The following FER variants were observed in gnomAD, a reference collection of about 807,000 sequenced individuals.
FER encodes the protein FER tyrosine kinase.
Under a neutral mutation model 111.0 loss-of-function variants are expected in FER, and 63 were observed. The observed-to-expected ratio is 0.57, with a 90% CI of 0.46 to 0.70. The LOEUF (loss-of-function observed/expected upper bound fraction) is 0.70, where lower values mean the gene tolerates loss of function less well. Ranked by LOEUF, FER falls within the 30% of genes least tolerant of loss-of-function variation. FER has a pLI of 0.00. For missense variants in FER, 914 were observed against 954.0 expected (o/e 0.96, Z 0.55); for synonymous variants, 327 against 313.9 (o/e 1.04, Z -0.44).
chr5:108,966,794 A>G (rs1759908410), intron 13 of FER, among the ~76,000 whole-genome samples: 1 of 152,166 alleles, frequency 6.6e-6, no homozygotes, highest in Non-Finnish European at 1.5e-5. Context: ...ATGAACATGG[A>G]TGTATAATGT....
rs76210414 is a variant in FER, at chr5:109,100,999, T to C, written c.2048+480T>C. ...CTCTTTTGGACAAATTAATTTTTCT[T>C]TCATTTTAGTACCTCACTAATTCAT... On this transcript the variant is annotated intron_variant, in intron 17 of 19. Coordinates refer to ENST00000281092, the MANE Select transcript of FER (RefSeq NM_005246.4). Among the ~76,000 whole-genome samples the C allele has an allele frequency of 2.1e-4, 32 of 152,026 alleles. No individual in the cohort carries two copies. In the East Asian group the frequency reaches 6.0e-3, roughly 28 times the overall value.
rs1759218130 is a variant in FER, at chr5:109,189,472, T to C, written c.*1897T>C. 1 of 152,218 alleles carries C rather than the reference T, an allele frequency of 6.6e-6. No homozygotes were observed. Among genetic ancestry groups the C allele is most frequent in the African/African-American group, 2.4e-5 (1 of 41,470 alleles). The allele number at this position is 152,218 out of a possible 1,614,324, so 9.4% of individuals were successfully genotyped here. On this transcript the variant is annotated 3_prime_UTR_variant, in exon 20 of 20. Coordinates refer to ENST00000281092, the MANE Select transcript of FER (RefSeq NM_005246.4). ...TAATACTGAAGAGAAAAGTGACTTGTATCTAACATTTCAATCTCCTTGCAG... is the reference window on the plus strand; with the variant it reads ...TAATACTGAAGAGAAAAGTGACTTGCATCTAACATTTCAATCTCCTTGCAG...
chr5:108,943,028 T>A (rs551279218), intron 10 of FER, among the ~76,000 whole-genome samples: 1 of 152,230 alleles, frequency 6.6e-6, no homozygotes, highest in Non-Finnish European at 1.5e-5. Flanking sequence ...TTTACATAAG[T>A]CTGTGAGAAA....
chr5:108,920,873 C>G (rs770723775), intron 10 of FER, among the ~76,000 whole-genome samples: 1 of 152,136 alleles, frequency 6.6e-6, no homozygotes, highest in Non-Finnish European at 1.5e-5. Context: ...ACCATGAACT[C>G]AATTACATAA....
chr5:108,751,341 T>TA (rs143338761), intron 1 of FER, among the ~76,000 whole-genome samples: 33,349 of 152,096 alleles, frequency 0.22, 4,611 homozygotes, highest in African/African-American at 0.4. Flanking sequence ...ACTAAAACTA[T>TA]ACTAACTTAA....
At chr5:108,998,734 G>C (rs1236827663) in intron 13 of FER, among the ~76,000 whole-genome samples, 1 of 152,146 alleles carries the variant, frequency 6.6e-6, no homozygotes, top group African/African-American at 2.4e-5. Flanking sequence ...TTTGTCTTTA[G>C]TTCTGTTTAT....
At chr5:108,886,413 T>C (rs376073965) in intron 9 of FER, among the ~76,000 whole-genome samples, 45 of 148,548 alleles carry the variant, frequency 3.0e-4, no homozygotes, top group South Asian at 1.9e-3. Context: ...TTATAACATA[T>C]AAACATATAT....
intron 13 of FER, among the ~76,000 whole-genome samples, chr5:108,965,336 A>G (rs1324445482): frequency 6.6e-6 from 1 of 152,212 alleles, no homozygotes; most frequent in Non-Finnish European, 1.5e-5. Context: ...CTTGTTATAA[A>G]AATCATGTGT....
At chr5:109,124,510 G>T (rs1197360425) in intron 17 of FER, among the ~76,000 whole-genome samples, 1 of 152,144 alleles carries the variant, frequency 6.6e-6, no homozygotes, top group Non-Finnish European at 1.5e-5. Context: ...AAAAGTATCA[G>T]TTGTTCTTTG....
At chr5:109,002,345 C>G (rs1372080905) in intron 13 of FER, among the ~76,000 whole-genome samples, 1 of 151,574 alleles carries the variant, frequency 6.6e-6, no homozygotes, top group Non-Finnish European at 1.5e-5. Context: ...TGATCTTTGA[C>G]AAACCTGAGA....
At chr5:108,869,562 A>G (rs1008594703) in intron 6 of FER, among the ~76,000 whole-genome samples, 3 of 152,128 alleles carry the variant, frequency 2.0e-5, no homozygotes, top group Non-Finnish European at 4.4e-5. Flanking sequence ...GGGAGGAAGG[A>G]CAGAGAGAGA....
chr5:108,751,971 G>A (rs577980972), intron 1 of FER, among the ~76,000 whole-genome samples: 208 of 151,726 alleles, frequency 1.4e-3, no homozygotes, highest in African/African-American at 4.4e-3. Flanking sequence ...TACTTACCTC[G>A]TTCATATAGT....
intron 3 of FER, chr5:108,818,129 T>G (rs991289781): frequency 6.6e-6 from 1 of 152,170 alleles, no homozygotes; most frequent in Non-Finnish European, 1.5e-5. Flanking sequence ...GAATCGCATT[T>G]AAGAATTTAG....
At chr5:109,167,384 G>C (rs1463153430) in intron 17 of FER, among the ~76,000 whole-genome samples, 1 of 152,134 alleles carries the variant, frequency 6.6e-6, no homozygotes, top group African/African-American at 2.4e-5. Flanking sequence ...ATAGAATGCA[G>C]TGTTCCTAGA....
intron 16 of FER, among the ~76,000 whole-genome samples, chr5:109,068,919 A>T (rs1775442644): frequency 6.6e-6 from 1 of 152,232 alleles, no homozygotes; most frequent in Admixed American, 6.5e-5. Context: ...AGAATAAATG[A>T]TATCCAACCT....
At chr5:109,051,522 G>A (rs1772820999) in intron 16 of FER, 5 of 1,597,486 alleles carry the variant, frequency 3.1e-6, no homozygotes, top group Admixed American at 3.4e-5. Flanking sequence ...GTTCTGCACT[G>A]TAATTAGCCC....
At chr5:108,982,988 A>G (rs1442835176) in intron 13 of FER, among the ~76,000 whole-genome samples, 1 of 152,044 alleles carries the variant, frequency 6.6e-6, no homozygotes, top group Non-Finnish European at 1.5e-5. Flanking sequence ...TATTACTACT[A>G]CTAATATACT....
At chr5:109,004,076 A>G (rs1399817997) in intron 13 of FER, among the ~76,000 whole-genome samples, 1 of 152,238 alleles carries the variant, frequency 6.6e-6, no homozygotes, top group Non-Finnish European at 1.5e-5. Flanking sequence ...TAATAATGGT[A>G]TGAGGAAGTG....
chr5:109,026,752 C>G (rs906575995), intron 13 of FER, among the ~76,000 whole-genome samples: 1 of 152,124 alleles, frequency 6.6e-6, no homozygotes, highest in Non-Finnish European at 1.5e-5. Flanking sequence ...AATCTTGGCT[C>G]ACTGCAACTT....
Sources: gnomAD v4.1 joint callset for allele counts (sites outside exome capture counted in the v4.1 genomes callset) on GRCh38, gnomAD v4.1.1 for gene constraint, MANE v1.5 for transcripts, NCBI Gene and HGNC (gene_info 2026-07-23, HGNC 2026-07-21) for gene names.